The following SCN8A variants were observed in gnomAD, a reference collection of about 807,000 sequenced individuals.
The protein encoded by SCN8A is sodium voltage-gated channel alpha subunit 8, also known as sodium channel protein type 8 subunit alpha.
SCN8A carries 30 observed loss-of-function variants against 184.1 expected under a neutral mutation model. That is an observed-to-expected ratio of 0.16 (90% CI 0.12 to 0.22). The LOEUF (loss-of-function observed/expected upper bound fraction) is 0.22. Ranked by LOEUF, SCN8A falls within the 10% of genes least tolerant of loss-of-function variation. The pLI, the probability that SCN8A is intolerant of heterozygous loss-of-function variation, is 1.00. For synonymous variants in SCN8A, 852 were observed against 907.0 expected (o/e 0.94, Z 1.09); for missense variants, 1,057 against 2,498.9 (o/e 0.42, Z 12.30).
At chr12:51,611,719 C>T (rs957972846) in intron 1 of SCN8A, among the ~76,000 whole-genome samples, 15 of 152,086 alleles carry the variant, frequency 9.9e-5, no homozygotes, top group Admixed American at 7.9e-4. Flanking sequence ...GTCTCGAACT[C>T]CCTGACCTCA....
At chr12:51,608,323 T>C (rs1939644020) in intron 1 of SCN8A, among the ~76,000 whole-genome samples, 1 of 152,184 alleles carries the variant, frequency 6.6e-6, no homozygotes, top group Non-Finnish European at 1.5e-5. Context: ...TACCAATTTT[T>C]CTTTCAATGT....
chr12:51,769,816 G>A lies in SCN8A; in HGVS notation c.3373-52G>A, dbSNP rs958848717. 3.5e-6 allele frequency: 4 copies of A among 1,145,522 alleles called. No homozygotes were observed. In the African/African-American group the frequency reaches 4.6e-5, roughly 13 times the overall value. The allele number at this position is 1,145,522 out of a possible 1,614,324, so 71.0% of individuals were successfully genotyped here. The stretch of plus-strand genomic sequence containing the variant: ...CCAGAGGCAGAGTTCTCAGTGTGGA[G>A]TGGGCATGTTGCCTCAGAGCTGCCT... On this transcript the variant is annotated intron_variant, in intron 17 of 26. Transcript: ENST00000627620.
At chr12:51,758,949 T>C (rs74371745) in intron 14 of SCN8A, among the ~76,000 whole-genome samples, 2,863 of 151,192 alleles carry the variant, frequency 0.019, 84 homozygotes, top group African/African-American at 0.065. Context: ...CACACACACA[T>C]ACACACACAT....
intron 1 of SCN8A, among the ~76,000 whole-genome samples, chr12:51,660,255 A>G (rs376217688): frequency 2.0e-5 from 3 of 152,348 alleles, no homozygotes; most frequent in African/African-American, 7.2e-5. Flanking sequence ...TCGAGAGGAC[A>G]CAGTCTTGGA....
At chr12:51,693,909 T>G (rs574121968) in intron 6 of SCN8A, among the ~76,000 whole-genome samples, 1 of 152,240 alleles carries the variant, frequency 6.6e-6, no homozygotes, top group East Asian at 1.9e-4. Flanking sequence ...GAATATGAAT[T>G]AGCTTTATTT....
rs1241407881 is a variant in SCN8A at position 51,808,030 on chromosome 12, C to G, written c.*601C>G. The G allele has an allele frequency of 1.2e-5, 2 of 167,252 alleles. No homozygotes were observed. The highest frequency in any genetic ancestry group is 2.6e-5 in the Non-Finnish European group (2 of 75,790). The allele number at this position is 167,252 out of a possible 1,614,324, so 10.4% of individuals were successfully genotyped here. A position where few individuals can be genotyped will look rare whatever the true frequency, so the allele number is the denominator to read the frequency against. On this transcript the variant is annotated 3_prime_UTR_variant, in exon 27 of 27. Transcript: ENST00000627620. ...GTTTCTTCAGGCTGAGGAGGACTTGCTCAGGCCGATTCCAAACATTGTGCT... is the reference window on the plus strand; with the variant it reads ...GTTTCTTCAGGCTGAGGAGGACTTGGTCAGGCCGATTCCAAACATTGTGCT...
intron 13 of SCN8A, 65 bp from the exon 14 acceptor site, chr12:51,751,290 A>C (rs1476423374): frequency 1.0e-6 from 1 of 1,003,314 alleles, no homozygotes; most frequent in Admixed American, 1.9e-5. Context: ...ACTGAGAGTG[A>C]GTAGTGTGTC....
intron 7 of SCN8A, 45 bp from the exon 8 acceptor site, chr12:51,701,099 A>G (rs774222839): frequency 2.2e-6 from 3 of 1,335,828 alleles, no homozygotes. Context: ...TCTCTCATTC[A>G]CTTAAATCTG....
At chr12:51,664,367 TCAG>T (rs1940989115) in intron 2 of SCN8A, among the ~76,000 whole-genome samples, 1 of 151,812 alleles carries the variant, frequency 6.6e-6, no homozygotes, top group African/African-American at 2.4e-5. Context: ...ACCACCACAC[TCAG>T]CTAATTTTTG....
At chr12:51,600,154 A>C (rs999711304) in intron 1 of SCN8A, among the ~76,000 whole-genome samples, 1 of 152,192 alleles carries the variant, frequency 6.6e-6, no homozygotes, top group Non-Finnish European at 1.5e-5. Flanking sequence ...GCTCTCACTG[A>C]TAAAGATTAT....
At chr12:51,800,796 T>C (rs1048767232) in intron 26 of SCN8A, among the ~76,000 whole-genome samples, 24 of 152,176 alleles carry the variant, frequency 1.6e-4, no homozygotes, top group Admixed American at 1.6e-3. Flanking sequence ...CAGTGTCCAG[T>C]AGTCCCCGAA....
At chr12:51,701,562 A>G (rs1444435002) in intron 8 of SCN8A, among the ~76,000 whole-genome samples, 1 of 152,208 alleles carries the variant, frequency 6.6e-6, no homozygotes, top group African/African-American at 2.4e-5. Flanking sequence ...ATGACCCAAA[A>G]TATGCTTGAC....
At chr12:51,717,787 AAG>A (rs1374286002) in intron 11 of SCN8A, among the ~76,000 whole-genome samples, 1 of 152,224 alleles carries the variant, frequency 6.6e-6, no homozygotes, top group East Asian at 1.9e-4. Flanking sequence ...GATGAGGCAG[AAG>A]AACAAAATAA....
At chr12:51,632,297 T>C (rs1025706817) in intron 1 of SCN8A, among the ~76,000 whole-genome samples, 6 of 152,232 alleles carry the variant, frequency 3.9e-5, no homozygotes, top group Non-Finnish European at 7.3e-5. Context: ...ATTTTTCTGC[T>C]AAGTGGGGGA....
At chr12:51,784,662 G>C (rs962948761) in intron 21 of SCN8A, among the ~76,000 whole-genome samples, 1 of 152,094 alleles carries the variant, frequency 6.6e-6, no homozygotes, top group Non-Finnish European at 1.5e-5. Context: ...AGAGAAAAAG[G>C]CTCTGAATAT....
intron 1 of SCN8A, among the ~76,000 whole-genome samples, chr12:51,641,525 C>A (rs1027756755): frequency 6.6e-6 from 1 of 152,200 alleles, no homozygotes; most frequent in African/African-American, 2.4e-5. Flanking sequence ...AGTTACTTAA[C>A]CTTTGTGATC....
At chr12:51,604,497 GTTTT>G in intron 1 of SCN8A, among the ~76,000 whole-genome samples, 1 of 151,532 alleles carries the variant, frequency 6.6e-6, no homozygotes, top group Non-Finnish European at 1.5e-5. Flanking sequence ...TTGTTTGTTT[GTTTT>G]TTGTTTTTTT....
chr12:51,697,674 C>T (rs1246287466), intron 6 of SCN8A, among the ~76,000 whole-genome samples: 1 of 152,190 alleles, frequency 6.6e-6, no homozygotes, highest in Non-Finnish European at 1.5e-5. Context: ...AGGAACTTTA[C>T]TAGGTATTTT....
chr12:51,743,838 G>C (rs1356687757), intron 12 of SCN8A, among the ~76,000 whole-genome samples: 1 of 152,194 alleles, frequency 6.6e-6, no homozygotes, highest in Non-Finnish European at 1.5e-5. Flanking sequence ...AAGCCTTAGA[G>C]ATTTCTTAGC....
Sources: gnomAD v4.1 joint callset for allele counts (sites outside exome capture counted in the v4.1 genomes callset) on GRCh38, gnomAD v4.1.1 for gene constraint, MANE v1.5 for transcripts, NCBI Gene and HGNC (gene_info 2026-07-23, HGNC 2026-07-21) for gene names.